Variants in OPCML observed in about 807,000 individuals in gnomAD.
OPCML encodes the protein opioid binding protein/cell adhesion molecule like, also known as opioid-binding protein/cell adhesion molecule.
OPCML carries 13 observed loss-of-function variants against 37.8 expected under a neutral mutation model. The observed-to-expected ratio is 0.34, with a 90% CI of 0.22 to 0.55. The LOEUF (loss-of-function observed/expected upper bound fraction) is 0.55, where lower values mean the gene tolerates loss of function less well. Among genes scored for constraint, OPCML ranks in the 20% least tolerant of loss-of-function variants. The pLI, the probability that OPCML is intolerant of heterozygous loss-of-function variation, is 0.91. For synonymous variants in OPCML, 176 were observed against 168.8 expected (o/e 1.04, Z -0.33); for missense variants, 341 against 435.6 (o/e 0.78, Z 1.93).
chr11:132,818,160 C>G (rs1224659280), intron 2 of OPCML, among the ~76,000 whole-genome samples: 1 of 152,162 alleles, frequency 6.6e-6, no homozygotes, highest in Non-Finnish European at 1.5e-5. Context: ...GATGAAACAA[C>G]TGTAGAAATA....
In OPCML at chr11:133,260,246, G is replaced by A. The variant is rs145814714; in HGVS notation, c.61+272018C>T. ...AGTGGAGGGAAGGAGGTGAGAAGCC[G>A]GGGGAGGGGATCCAGTAGGGCTCTG... is the stretch of plus-strand genomic sequence containing the variant. On this transcript the variant is annotated intron_variant, in intron 1 of 7. Coordinates refer to ENST00000524381, the MANE Select transcript of OPCML (RefSeq NM_001012393.5). Among the ~76,000 whole-genome samples, 411 of 152,070 alleles carry A rather than the reference G, an allele frequency of 2.7e-3. 2 individuals are homozygous for A. Among genetic ancestry groups the A allele is most frequent in the African/African-American group, 8.9e-3 (371 of 41,464 alleles).
At chr11:133,046,662 C>T (rs1368381838) in intron 1 of OPCML, among the ~76,000 whole-genome samples, 1 of 152,160 alleles carries the variant, frequency 6.6e-6, no homozygotes, top group Non-Finnish European at 1.5e-5. Flanking sequence ...CTGTAGAGTA[C>T]AGGATTAGGG....
At chr11:132,698,928 G>A (rs1276853216) in intron 2 of OPCML, among the ~76,000 whole-genome samples, 3 of 152,060 alleles carry the variant, frequency 2.0e-5, no homozygotes, top group East Asian at 3.9e-4. Flanking sequence ...GATAAAGATT[G>A]CATTGAAATT....
At chr11:133,331,430 C>T (rs898700862) in intron 1 of OPCML, among the ~76,000 whole-genome samples, 1 of 152,202 alleles carries the variant, frequency 6.6e-6, no homozygotes, top group South Asian at 2.1e-4. Context: ...TCAGAGCCAC[C>T]GTGGCTTTAG....
chr11:133,023,181 G>A (rs933476831), intron 1 of OPCML, among the ~76,000 whole-genome samples: 8 of 152,174 alleles, frequency 5.3e-5, no homozygotes, highest in African/African-American at 1.9e-4. Context: ...TCAAACATTG[G>A]TGAGTGTTAG....
At chr11:132,894,813 C>A (rs1295760044) in intron 2 of OPCML, among the ~76,000 whole-genome samples, 2 of 152,178 alleles carry the variant, frequency 1.3e-5, no homozygotes, top group African/African-American at 4.8e-5. Flanking sequence ...CTTACACCAG[C>A]AACCCCCACT....
chr11:132,725,575 C>T (rs1360817064), intron 2 of OPCML, among the ~76,000 whole-genome samples: 1 of 152,150 alleles, frequency 6.6e-6, no homozygotes, highest in African/African-American at 2.4e-5. Flanking sequence ...AATTTCTCCT[C>T]AGAAAATGGG....
intron 3 of OPCML, among the ~76,000 whole-genome samples, chr11:132,582,104 T>TTGTGTGTG (rs145244488): frequency 8.3e-4 from 117 of 140,506 alleles, no homozygotes; most frequent in Non-Finnish European, 1.2e-3. Flanking sequence ...CACACATACT[T>TTGTGTGTG]TGTGTGTGTG....
chr11:133,483,310 G>GCAGATAGATAGATAGA (rs1373071667), intron 1 of OPCML, among the ~76,000 whole-genome samples: 994 of 81,150 alleles, frequency 0.012, 12 homozygotes, highest in African/African-American at 0.091. Flanking sequence ...TGATAGATAG[G>GCAGATAGATAGATAGA]CAGATAGATA....
intron 4 of OPCML, among the ~76,000 whole-genome samples, chr11:132,475,971 T>C (rs1380981149): frequency 1.3e-5 from 2 of 152,192 alleles, no homozygotes; most frequent in Non-Finnish European, 2.9e-5. Flanking sequence ...CGCCCCAGTT[T>C]TCTCATCTGT....
intron 7 of OPCML, among the ~76,000 whole-genome samples, chr11:132,428,707 C>T (rs980401418): frequency 2.0e-5 from 3 of 152,204 alleles, no homozygotes; most frequent in Non-Finnish European, 2.9e-5. Flanking sequence ...CCCCTTCCAT[C>T]CATGGTGGAA....
At chr11:133,145,245 A>G (rs1043860378) in intron 1 of OPCML, among the ~76,000 whole-genome samples, 1 of 152,208 alleles carries the variant, frequency 6.6e-6, no homozygotes, top group Non-Finnish European at 1.5e-5. Flanking sequence ...TGTTCTAGAA[A>G]GACATATTTT....
intron 1 of OPCML, among the ~76,000 whole-genome samples, chr11:133,196,089 G>C (rs1450004287): frequency 6.6e-6 from 1 of 152,182 alleles, no homozygotes; most frequent in Admixed American, 6.5e-5. Flanking sequence ...GTATACACCT[G>C]TGTCTTAGCA....
chr11:132,864,683 GCAC>G (rs1942454967), intron 2 of OPCML, among the ~76,000 whole-genome samples: 1 of 152,190 alleles, frequency 6.6e-6, no homozygotes, highest in African/African-American at 2.4e-5. Flanking sequence ...ATAGGGGAAT[GCAC>G]TTCAGATTAA....
intron 2 of OPCML, among the ~76,000 whole-genome samples, chr11:132,824,044 G>A (rs746793606): frequency 6.6e-5 from 10 of 152,002 alleles, no homozygotes; most frequent in African/African-American, 1.7e-4. Context: ...TCCTACCTAC[G>A]TCTCTCCTTC....
chr11:132,887,938 G>T (rs1354869766), intron 2 of OPCML, among the ~76,000 whole-genome samples: 1 of 152,188 alleles, frequency 6.6e-6, no homozygotes, highest in Non-Finnish European at 1.5e-5. Context: ...TTGAGGCCAG[G>T]CCAAGGGCTG....
chr11:132,594,693 A>G (rs73041756), intron 3 of OPCML, among the ~76,000 whole-genome samples: 18,841 of 152,184 alleles, frequency 0.12, 1,932 homozygotes, highest in African/African-American at 0.26. Context: ...AAGAAAGTCT[A>G]TTGGCCAAGG....
intron 1 of OPCML, among the ~76,000 whole-genome samples, chr11:133,089,581 C>T (rs1046554167): frequency 9.2e-5 from 14 of 152,140 alleles, no homozygotes; most frequent in Non-Finnish European, 1.9e-4. Context: ...TCTAAGGGCA[C>T]ATAATTTAGT....
chr11:133,195,434 T>C (rs1204299872), intron 1 of OPCML, among the ~76,000 whole-genome samples: 3 of 152,356 alleles, frequency 2.0e-5, no homozygotes, highest in African/African-American at 4.8e-5. Context: ...CCCCAGCTTG[T>C]CCTTGCGGAA....
Sources: gnomAD v4.1 joint callset for allele counts (sites outside exome capture counted in the v4.1 genomes callset) on GRCh38, gnomAD v4.1.1 for gene constraint, MANE v1.5 for transcripts, NCBI Gene and HGNC (gene_info 2026-07-23, HGNC 2026-07-21) for gene names.